Variants in DOCK2 observed in about 807,000 individuals in gnomAD.
DOCK2 encodes the protein dedicator of cytokinesis 2.
Under a neutral mutation model 248.9 loss-of-function variants are expected in DOCK2, and 87 were observed. The observed-to-expected ratio is 0.35, with a 90% CI of 0.29 to 0.42. The LOEUF is 0.42. Among genes scored for constraint, DOCK2 ranks in the 10% least tolerant of loss-of-function variants. DOCK2 has a pLI of 1.00. For missense variants in DOCK2, 1,747 were observed against 2,300.2 expected (o/e 0.76, Z 4.92); for synonymous variants, 805 against 821.6 (o/e 0.98, Z 0.35).
intron 20 of DOCK2, among the ~76,000 whole-genome samples, 172 bp downstream of exon 20, chr5:169,716,474 T>A (rs992832654): frequency 1.3e-5 from 2 of 152,230 alleles, no homozygotes; most frequent in African/African-American, 4.8e-5. Context: ...TTCCTTTTGC[T>A]TCTTGCCAGT....
chr5:170,081,610 G>A (rs1171103628), intron 50 of DOCK2: 4 of 541,704 alleles, frequency 7.4e-6, no homozygotes, highest in African/African-American at 1.9e-5. Context: ...TTTTGACCAG[G>A]AGCCAGGAGG....
At chr5:169,689,230 G>A in intron 8 of DOCK2, 22 bp from the exon 9 acceptor site, 1 of 1,611,710 alleles carries the variant, frequency 6.2e-7, no homozygotes, top group Non-Finnish European at 8.5e-7. Flanking sequence ...GCAGTAACGG[G>A]CTGCCACTCT....
intron 25 of DOCK2, among the ~76,000 whole-genome samples, chr5:169,774,076 T>G (rs1765247337): frequency 6.6e-6 from 1 of 152,178 alleles, no homozygotes. Flanking sequence ...ACAAGCATCC[T>G]GAGACTTTTA....
At chr5:169,719,099 C>G (rs1343907443) in intron 22 of DOCK2, among the ~76,000 whole-genome samples, 2 of 152,210 alleles carry the variant, frequency 1.3e-5, no homozygotes, top group African/African-American at 4.8e-5. Flanking sequence ...TTCCAGCAAT[C>G]TATATCCAAT....
chr5:170,048,288 GC>G (rs1756787082), intron 40 of DOCK2, among the ~76,000 whole-genome samples: 1 of 151,982 alleles, frequency 6.6e-6, no homozygotes, highest in African/African-American at 2.4e-5. Flanking sequence ...GCTATTTGGG[GC>G]CTGAGACAGG....
intron 36 of DOCK2, among the ~76,000 whole-genome samples, chr5:170,037,348 G>A (rs1285003991): frequency 6.6e-6 from 1 of 151,674 alleles, no homozygotes; most frequent in Admixed American, 6.6e-5. Context: ...GTTGACAGAT[G>A]TATATCAACA....
In DOCK2 at chr5:169,933,551, G is replaced by C. The variant is rs374642451; in HGVS notation, c.2800-49517G>C. Among the ~76,000 whole-genome samples, 46 of 152,296 alleles carry C rather than the reference G, an allele frequency of 3.0e-4. 1 individual carries two copies. The highest frequency in any genetic ancestry group is 2.1e-3 in the South Asian group (10 of 4,822). ...ATACTGCATTCACCTGGGGAAGGAGGCTGCTTATTTGCCCACTTTTCAGAA... is the reference window on the plus strand; with the variant it reads ...ATACTGCATTCACCTGGGGAAGGAGCCTGCTTATTTGCCCACTTTTCAGAA... On this transcript the variant is annotated intron_variant, in intron 27 of 51. Transcript: ENST00000520908.
intron 27 of DOCK2, among the ~76,000 whole-genome samples, chr5:169,906,286 C>T (rs954206318): frequency 3.3e-5 from 5 of 152,064 alleles, no homozygotes; most frequent in Non-Finnish European, 7.4e-5. Context: ...TGAGTATGAT[C>T]ATAGTACTGA....
chr5:169,883,712 C>A (rs950665666), intron 27 of DOCK2: 3 of 1,551,284 alleles, frequency 1.9e-6, no homozygotes, highest in African/African-American at 1.4e-5. Flanking sequence ...CCCATCACAG[C>A]CGGGTCTTCT....
At chr5:169,857,745 A>G (rs1027885856) in intron 27 of DOCK2, among the ~76,000 whole-genome samples, 6 of 152,074 alleles carry the variant, frequency 3.9e-5, no homozygotes, top group Non-Finnish European at 7.4e-5. Context: ...AAAAAAAAAA[A>G]AAGAAAAAAG....
At chr5:169,687,663 T>A (rs112476495) in intron 8 of DOCK2, among the ~76,000 whole-genome samples, 2 of 152,338 alleles carry the variant, frequency 1.3e-5, no homozygotes, top group African/African-American at 4.8e-5. Flanking sequence ...CAAACTATAT[T>A]AAGCTTCTTC....
chr5:169,984,777 A>G (rs189687490), intron 28 of DOCK2, among the ~76,000 whole-genome samples: 10 of 152,274 alleles, frequency 6.6e-5, no homozygotes, highest in African/African-American at 2.4e-4. Flanking sequence ...TTTGAAAACC[A>G]CCAACTTAAG....
chr5:169,714,471 C>A lies in DOCK2; in HGVS notation c.1941+14C>A. On this transcript the variant is annotated intron_variant, in intron 19 of 51. Coordinates refer to ENST00000520908, the MANE Select transcript of DOCK2 (RefSeq NM_004946.3). Reference sequence around the variant, plus strand: ...GAAGTGGTGAAGGTCAGTGGGGCTTCATTTTGATTGTATTCTTACACTAGT... The same window carrying A: ...GAAGTGGTGAAGGTCAGTGGGGCTTAATTTTGATTGTATTCTTACACTAGT... 6.2e-7 allele frequency: 1 copy of A among 1,613,274 alleles called. No homozygotes were observed. Among genetic ancestry groups the A allele is most frequent in the Non-Finnish European group, 8.5e-7 (1 of 1,179,536 alleles).
At chr5:169,826,700 A>G (rs963158176) in intron 26 of DOCK2, among the ~76,000 whole-genome samples, 1 of 152,240 alleles carries the variant, frequency 6.6e-6, no homozygotes, top group African/African-American at 2.4e-5. Flanking sequence ...GTTATGTATT[A>G]TTAGGCTACA....
intron 33 of DOCK2, among the ~76,000 whole-genome samples, chr5:170,026,898 G>A (rs1481074951): frequency 2.0e-5 from 3 of 152,140 alleles, no homozygotes; most frequent in African/African-American, 4.8e-5. Context: ...TGTTTTATGA[G>A]TATTTTTCAT....
At chr5:170,045,953 A>C (rs1037456522) in intron 39 of DOCK2, 48 bp downstream of exon 39, 12 of 1,578,696 alleles carry the variant, frequency 7.6e-6, no homozygotes, top group African/African-American at 2.7e-5. Flanking sequence ...CTGGGTGCTC[A>C]GGGCCTCAGC....
Position 169,784,278 on chromosome 5 carries a change from GA to G in DOCK2, c.2555-18779del, listed in dbSNP as rs1195843938. Among the ~76,000 whole-genome samples, 7 of 152,264 alleles carry G rather than the reference GA, an allele frequency of 4.6e-5. No individual in the cohort carries two copies. In the East Asian group the frequency reaches 1.3e-3, roughly 29 times the overall value. On this transcript the variant is annotated intron_variant, in intron 25 of 51. Coordinates refer to ENST00000520908, the MANE Select transcript of DOCK2 (RefSeq NM_004946.3). ...ACCACACATTTCAGACGATGATGAT[GA>G]TATTTTTGAACATGTTTAATGATTT...
At chr5:169,852,479 T>C (rs561028524) in intron 27 of DOCK2, among the ~76,000 whole-genome samples, 17 of 152,344 alleles carry the variant, frequency 1.1e-4, no homozygotes, top group Non-Finnish European at 8.8e-5. Context: ...TGGGAGCCAG[T>C]GTCCTCCTTT....
At position 169,761,640 on chromosome 5, in the gene DOCK2, C is replaced by G; in HGVS notation, c.2554+15C>G. On this transcript the variant is annotated intron_variant, in intron 25 of 51. Coordinates refer to ENST00000520908, the MANE Select transcript of DOCK2 (RefSeq NM_004946.3). The stretch of plus-strand genomic sequence containing the variant: ...TAAAAAGCAAGGTGAGTACACAGCA[C>G]CCTTGCTGGGGTGGGGTAAGGGGCC... The G allele has an allele frequency of 1.2e-6, 2 of 1,607,892 alleles. No individual in the cohort carries two copies. The highest frequency in any genetic ancestry group is 2.2e-5 in the South Asian group (2 of 90,750).
Sources: gnomAD v4.1 joint callset for allele counts (sites outside exome capture counted in the v4.1 genomes callset) on GRCh38, gnomAD v4.1.1 for gene constraint, MANE v1.5 for transcripts, NCBI Gene and HGNC (gene_info 2026-07-23, HGNC 2026-07-21) for gene names.